The following INPP4A variants were observed in gnomAD, a reference collection of about 807,000 sequenced individuals.
The protein encoded by INPP4A is inositol polyphosphate-4-phosphatase, type I, 107kD.
Under a neutral mutation model 119.8 loss-of-function variants are expected in INPP4A, and 33 were observed. The observed-to-expected ratio is 0.28, with a 90% CI of 0.21 to 0.37. The LOEUF (loss-of-function observed/expected upper bound fraction) is 0.37, where lower values mean the gene tolerates loss of function less well. INPP4A is among the 10% of genes least tolerant of loss of function. The pLI is 1.00. For synonymous variants in INPP4A, 496 were observed against 500.7 expected (o/e 0.99, Z 0.12); for missense variants, 956 against 1,289.9 (o/e 0.74, Z 3.97).
At chr2:98,539,933 TCTTTA>T (rs1465206919) in intron 10 of INPP4A, among the ~76,000 whole-genome samples, 1 of 152,066 alleles carries the variant, frequency 6.6e-6, no homozygotes, top group East Asian at 1.9e-4. Context: ...TCTTTTCTCT[TCTTTA>T]CTCTTTTTTT....
chr2:98,560,859 T>C (rs955334198), intron 17 of INPP4A, among the ~76,000 whole-genome samples: 1 of 152,198 alleles, frequency 6.6e-6, no homozygotes, highest in Non-Finnish European at 1.5e-5. Flanking sequence ...TCCTGAGGGT[T>C]GCAGAACTAA....
chr2:98,547,929 C>T (rs1345377985), intron 13 of INPP4A, among the ~76,000 whole-genome samples: 2 of 152,086 alleles, frequency 1.3e-5, no homozygotes, highest in East Asian at 1.9e-4. Context: ...GCCCAGGGAG[C>T]GTCACAAGAA....
chr2:98,495,524 G>A (rs1681749426), intron 1 of INPP4A, among the ~76,000 whole-genome samples: 1 of 152,224 alleles, frequency 6.6e-6, no homozygotes, highest in Non-Finnish European at 1.5e-5. Context: ...GCCCAAGGTG[G>A]TCAGGCTACA....
In INPP4A at chr2:98,566,269, T is replaced by G. The variant is rs1696425508; in HGVS notation, c.2420+100T>G. On this transcript the variant is annotated intron_variant, in intron 21 of 24. Transcript: ENST00000409851. This position sits in a 1 kb window ranked among gnomAD's most constrained non-coding sequence, Gnocchi z 4.2. ...TCAGGCTCTAAGTGCTGGACAGACTTTGTCATCCTTCCTTCCTTTGGCCAA... is the reference window on the plus strand; with the variant it reads ...TCAGGCTCTAAGTGCTGGACAGACTGTGTCATCCTTCCTTCCTTTGGCCAA... 6 of 1,267,824 alleles carry G rather than the reference T, an allele frequency of 4.7e-6. No homozygotes were observed. Among genetic ancestry groups the G allele is most frequent in the Non-Finnish European group, 5.3e-6 (5 of 948,794 alleles). 78.5% of individuals were successfully genotyped at this position (1,267,824 alleles called of 1,614,324 possible). A position where few individuals can be genotyped will look rare whatever the true frequency, so the allele number is the denominator to read the frequency against.
chr2:98,584,583 A>C (rs941728399), intron 24 of INPP4A, among the ~76,000 whole-genome samples: 1 of 152,250 alleles, frequency 6.6e-6, no homozygotes, highest in Admixed American at 6.5e-5. Context: ...CTTGATTGTC[A>C]CCACACCTTT....
At chr2:98,498,673 G>A (rs910656051) in intron 1 of INPP4A, among the ~76,000 whole-genome samples, 7 of 152,278 alleles carry the variant, frequency 4.6e-5, no homozygotes, top group African/African-American at 1.4e-4. Context: ...AGATTCATAT[G>A]TTGAAGTACT....
rs751224706 is a variant in INPP4A, at chr2:98,565,733, C to T, written c.2246C>T (p.Ser749Phe). Residue 749 changes from serine (S) to phenylalanine (F), a missense_variant, in exon 20 of 25, where the codon TCC becomes TTC. Coordinates refer to ENST00000409851, the MANE Select transcript of INPP4A (RefSeq NM_001134225.2). Reference sequence around the variant, plus strand: ...GTCACTCAGGCCACTTCCAGCGCCTCCGCAGACATGCTGCCCGTCATCACA... The same window carrying T: ...GTCACTCAGGCCACTTCCAGCGCCTTCGCAGACATGCTGCCCGTCATCACA... Reference protein sequence around the residue: ...FKVTQATSSASADMLPVITGN... With the variant: ...FKVTQATSSAFADMLPVITGN... 6.2e-7 allele frequency: 1 copy of T among 1,613,374 alleles called. No homozygotes were observed. Among genetic ancestry groups the T allele is most frequent in the South Asian group, 1.1e-5 (1 of 90,946 alleles).
chr2:98,538,011 A>G (rs1213684516), intron 8 of INPP4A, 37 bp downstream of exon 8: 1 of 1,359,012 alleles, frequency 7.4e-7, no homozygotes, highest in Admixed American at 1.9e-5. Flanking sequence ...CCTTAGAAAG[A>G]GCAAGGGAAT....
intron 1 of INPP4A, among the ~76,000 whole-genome samples, chr2:98,494,491 G>C (rs1681510846): frequency 6.6e-6 from 1 of 152,236 alleles, no homozygotes; most frequent in Admixed American, 6.5e-5. Flanking sequence ...TGTGCGCCCA[G>C]CTCTAGAACA....
At chr2:98,509,252 C>A (rs1286682945) in intron 1 of INPP4A, among the ~76,000 whole-genome samples, 1 of 152,218 alleles carries the variant, frequency 6.6e-6, no homozygotes, top group Non-Finnish European at 1.5e-5. Context: ...TGGCCTGTGG[C>A]CTGTTAGGAA....
chr2:98,497,988 A>G (rs757406516), intron 1 of INPP4A, among the ~76,000 whole-genome samples: 6 of 152,230 alleles, frequency 3.9e-5, no homozygotes, highest in Non-Finnish European at 8.8e-5. Flanking sequence ...TTACAGGCTC[A>G]TAGGCAGAAG....
At position 98,554,822 on chromosome 2, in the gene INPP4A, C is replaced by G. The variant is rs1254153788; in HGVS notation, c.1566+333C>G. 6.6e-6 allele frequency among the ~76,000 whole-genome samples: 1 copy of G among 152,148 alleles called. No homozygotes were observed. The highest frequency in any genetic ancestry group is 2.4e-5 in the African/African-American group (1 of 41,432). ...TCTATGGCCTTGGGATGCTTGAGACCAGTCAGTGCTCTGTTTGCTGTTAGA... is the reference window on the plus strand; with the variant it reads ...TCTATGGCCTTGGGATGCTTGAGACGAGTCAGTGCTCTGTTTGCTGTTAGA... On this transcript the variant is annotated intron_variant, in intron 15 of 24. Transcript: ENST00000409851. The surrounding 1 kb of genome is among the most constrained non-coding windows in gnomAD (Gnocchi z 4.7).
At chr2:98,456,635 C>G (rs1696192395) in intron 1 of INPP4A, among the ~76,000 whole-genome samples, 1 of 152,204 alleles carries the variant, frequency 6.6e-6, no homozygotes, top group Non-Finnish European at 1.5e-5. Flanking sequence ...CCACTGTACC[C>G]AGCTACTTTT....
Position 98,563,747 on chromosome 2 carries a change from C to A in INPP4A, c.2028+110C>A, listed in dbSNP as rs957708378. On this transcript the variant is annotated intron_variant, in intron 18 of 24. Coordinates refer to ENST00000409851, the MANE Select transcript of INPP4A (RefSeq NM_001134225.2). ...TCACTTGTAAAAGACCCCAGATGGC[C>A]ATATTTCCTCCTGGTGGTGCTTTAA... 2.9e-6 allele frequency: 3 copies of A among 1,051,326 alleles called. No individual in the cohort carries two copies. The Admixed American group carries it at 7.8e-5, about 27-fold the overall frequency. The allele number at this position is 1,051,326 out of a possible 1,614,324, so 65.1% of individuals were successfully genotyped here.
intron 4 of INPP4A, among the ~76,000 whole-genome samples, chr2:98,523,400 G>GTTT (rs539205115): frequency 7.0e-6 from 1 of 143,352 alleles, no homozygotes; most frequent in Non-Finnish European, 1.5e-5. Flanking sequence ...TTGTTTTTTT[G>GTTT]TTTTTTTTTT....
chr2:98,469,796 T>C (rs1472924144), intron 1 of INPP4A, among the ~76,000 whole-genome samples: 1 of 152,012 alleles, frequency 6.6e-6, no homozygotes, highest in Non-Finnish European at 1.5e-5. Context: ...AAGAAAGAAA[T>C]TCCGTCTCAA....
intron 1 of INPP4A, among the ~76,000 whole-genome samples, chr2:98,448,288 G>T (rs962980987): frequency 2.7e-5 from 4 of 149,118 alleles, no homozygotes; most frequent in Admixed American, 2.7e-4. Flanking sequence ...CTCAGGAGGT[G>T]GAGGTTGCAG....
intron 1 of INPP4A, among the ~76,000 whole-genome samples, chr2:98,459,626 C>T (rs1181718627): frequency 6.6e-6 from 1 of 152,234 alleles, no homozygotes; most frequent in Non-Finnish European, 1.5e-5. Context: ...TCTATGGACA[C>T]ACCCTGCGAA....
intron 1 of INPP4A, among the ~76,000 whole-genome samples, chr2:98,486,082 T>C (rs906182457): frequency 2.0e-5 from 3 of 152,186 alleles, no homozygotes; most frequent in African/African-American, 7.2e-5. Context: ...ACTGCTTCCT[T>C]GGGTCTCTGG....
Sources: allele counts gnomAD v4.1 joint callset (sites outside exome capture counted in the v4.1 genomes callset), GRCh38; gene constraint gnomAD v4.1.1; non-coding constraint Gnocchi (gnomAD v3.1); transcripts MANE v1.5; gene names NCBI Gene and HGNC (gene_info 2026-07-23, HGNC 2026-07-21).